The following RICTOR variants were observed in gnomAD, a reference collection of about 807,000 sequenced individuals.
RICTOR encodes RPTOR independent companion of MTOR complex 2.
A neutral mutation model predicts 214.9 loss-of-function variants in RICTOR; 49 were observed. That is an observed-to-expected ratio of 0.23 (90% CI 0.18 to 0.29). The LOEUF (loss-of-function observed/expected upper bound fraction) is 0.29, where lower values mean the gene tolerates loss of function less well. Among genes scored for constraint, RICTOR ranks in the 10% least tolerant of loss-of-function variants. The probability of loss-of-function intolerance (pLI) is 1.00; values close to 1 mark genes in which losing one functional copy is unlikely to be tolerated. For missense variants in RICTOR, 1,625 were observed against 2,047.0 expected (o/e 0.79, Z 3.98); for synonymous variants, 717 against 711.3 (o/e 1.01, Z -0.13).
chr5:39,067,513 T>C (rs1273227906), intron 2 of RICTOR, among the ~76,000 whole-genome samples: 9 of 152,212 alleles, frequency 5.9e-5, no homozygotes, highest in Non-Finnish European at 1.5e-5. Context: ...TTCTCTTCTA[T>C]TGACTCCTTT....
intron 31 of RICTOR, among the ~76,000 whole-genome samples, chr5:38,948,605 G>A (rs992612189): frequency 6.6e-6 from 1 of 152,010 alleles, no homozygotes; most frequent in Non-Finnish European, 1.5e-5. Flanking sequence ...CTGATCTAGT[G>A]CAATCTCCAC....
At chr5:39,037,974 C>A (rs570715922) in intron 2 of RICTOR, among the ~76,000 whole-genome samples, 22 of 152,290 alleles carry the variant, frequency 1.4e-4, no homozygotes, top group East Asian at 1.4e-3. Flanking sequence ...TTTTATGAGG[C>A]CAGCATCATC....
chr5:38,964,727 A>G (rs1750070629), intron 16 of RICTOR, 65 bp downstream of exon 16: 2 of 802,120 alleles, frequency 2.5e-6, no homozygotes, highest in African/African-American at 3.6e-5. Context: ...TAAAAAGAAG[A>G]GACAATAATC....
At position 38,942,818 on chromosome 5, in the gene RICTOR, A is replaced by G; in HGVS notation, c.5052+15T>C. The G allele has an allele frequency of 6.4e-7, 1 of 1,563,414 alleles. No individual in the cohort carries two copies. Among genetic ancestry groups the G allele is most frequent in the Non-Finnish European group, 8.8e-7 (1 of 1,134,166 alleles). ...TTCTTGGAAGATAAATTTGAGAAGT[A>G]CTAATCATACTTACTTGTAGAAACT... On this transcript the variant is annotated intron_variant, in intron 37 of 37. Transcript: ENST00000357387.
intron 5 of RICTOR, among the ~76,000 whole-genome samples, chr5:39,001,968 C>T (rs200250758): frequency 6.6e-6 from 1 of 152,040 alleles, no homozygotes; most frequent in East Asian, 1.9e-4. Flanking sequence ...ATACATGTAC[C>T]TTATAACCCA....
chr5:39,049,687 A>G, intron 2 of RICTOR, among the ~76,000 whole-genome samples: 1 of 141,200 alleles, frequency 7.1e-6, no homozygotes, highest in Admixed American at 6.9e-5. Flanking sequence ...GAAAGAAGGG[A>G]GGGAGGGAGG....
Position 38,950,695 on chromosome 5 carries a change from C to A in RICTOR, c.3153G>T (p.Arg1051=), listed in dbSNP as rs1180233441. 1 of 1,600,190 alleles carries A rather than the reference C, an allele frequency of 6.2e-7. No homozygotes were observed. Among genetic ancestry groups the A allele is most frequent in the Non-Finnish European group, 8.5e-7 (1 of 1,173,618 alleles). The stretch of plus-strand genomic sequence containing the variant: ...ATGTGCTAGTAGAGCTGCTGCCAAA[C>A]CGGTCATCCTCCAATATGAACATAC... The part of the protein sequence containing the change: ...PSSMFILEDD[R]FGSSSTSTFF... Residue 1051 remains arginine (R), a synonymous_variant, in exon 31 of 38, where the codon CGG becomes CGT. Coordinates refer to ENST00000357387, the MANE Select transcript of RICTOR (RefSeq NM_152756.5).
intron 3 of RICTOR, among the ~76,000 whole-genome samples, chr5:39,016,336 G>C (rs780675807): frequency 6.7e-6 from 1 of 148,538 alleles, no homozygotes; most frequent in Non-Finnish European, 1.5e-5. Context: ...CAGAGAAGGG[G>C]GGAGAGGGAA....
At chr5:39,072,501 C>CA in intron 2 of RICTOR, among the ~76,000 whole-genome samples, 1 of 152,292 alleles carries the variant, frequency 6.6e-6, no homozygotes, top group South Asian at 2.1e-4. Context: ...AAGTTAAACT[C>CA]AAGTTTATTA....
intron 2 of RICTOR, among the ~76,000 whole-genome samples, chr5:39,025,139 C>T (rs1253306142): frequency 1.3e-5 from 2 of 152,120 alleles, no homozygotes; most frequent in Non-Finnish European, 2.9e-5. Flanking sequence ...GCCTTTCTCC[C>T]TCCTTCTCCT....
intron 5 of RICTOR, among the ~76,000 whole-genome samples, chr5:39,000,894 A>G (rs1423643420): frequency 6.6e-6 from 1 of 152,072 alleles, no homozygotes; most frequent in East Asian, 1.9e-4. Context: ...AAAATATCTT[A>G]GAATAAACTG....
intron 6 of RICTOR, among the ~76,000 whole-genome samples, chr5:38,992,290 T>C (rs1189834520): frequency 6.6e-6 from 1 of 152,154 alleles, no homozygotes; most frequent in East Asian, 1.9e-4. Context: ...GTATAGGAAG[T>C]ATAGGAAATC....
intron 2 of RICTOR, among the ~76,000 whole-genome samples, chr5:39,053,368 G>C (rs190907395): frequency 5.3e-4 from 81 of 152,208 alleles, no homozygotes; most frequent in Non-Finnish European, 1.1e-3. Context: ...ATACTACTCT[G>C]AGGATTATGA....
At chr5:39,029,411 CACATATGTAT>C (rs1756100770) in intron 2 of RICTOR, among the ~76,000 whole-genome samples, 1 of 151,870 alleles carries the variant, frequency 6.6e-6, no homozygotes, top group Non-Finnish European at 1.5e-5. Flanking sequence ...CATGTACACA[CACATATGTAT>C]ATATGTGTGT....
chr5:39,035,904 C>A (rs1446352328), intron 2 of RICTOR, among the ~76,000 whole-genome samples: 3 of 152,154 alleles, frequency 2.0e-5, no homozygotes, highest in Non-Finnish European at 1.5e-5. Context: ...AGGATATTAT[C>A]CAGGAGAACT....
At chr5:39,028,921 A>C (rs1427778308) in intron 2 of RICTOR, among the ~76,000 whole-genome samples, 1 of 152,192 alleles carries the variant, frequency 6.6e-6, no homozygotes, top group Non-Finnish European at 1.5e-5. Context: ...AATATTAATA[A>C]GAAAAAAACA....
At chr5:39,040,612 C>T (rs922877313) in intron 2 of RICTOR, among the ~76,000 whole-genome samples, 4 of 151,788 alleles carry the variant, frequency 2.6e-5, no homozygotes, top group African/African-American at 9.7e-5. Context: ...TTCCAAGGTT[C>T]TTTTTCAAAA....
intron 35 of RICTOR, 152 bp downstream of exon 35, chr5:38,944,761 G>A: frequency 3.6e-6 from 3 of 835,248 alleles, no homozygotes; most frequent in Non-Finnish European, 5.7e-6. Flanking sequence ...TGATATAGGT[G>A]CAATAATTAA....
intron 2 of RICTOR, among the ~76,000 whole-genome samples, chr5:39,067,941 G>A (rs1759019666): frequency 6.6e-6 from 1 of 152,178 alleles, no homozygotes; most frequent in South Asian, 2.1e-4. Flanking sequence ...GCTGGGGGAA[G>A]CGGATGTTAA....
Sources: allele counts gnomAD v4.1 joint callset (sites outside exome capture counted in the v4.1 genomes callset), GRCh38; gene constraint gnomAD v4.1.1; transcripts MANE v1.5; gene names NCBI Gene and HGNC (gene_info 2026-07-23, HGNC 2026-07-21).